The following EML4 variants were observed in gnomAD, a reference collection of about 807,000 sequenced individuals.
The protein encoded by EML4 is echinoderm microtubule-associated protein-like 4.
Under a neutral mutation model 129.0 loss-of-function variants are expected in EML4, and 72 were observed. The observed-to-expected ratio is 0.56, with a 90% CI of 0.46 to 0.68. The LOEUF (loss-of-function observed/expected upper bound fraction) is 0.68. Among genes scored for constraint, EML4 ranks in the 30% least tolerant of loss-of-function variants. EML4 has a pLI of 0.00. For synonymous variants in EML4, 532 were observed against 405.0 expected (o/e 1.31, Z -3.77); for missense variants, 1,363 against 1,190.6 (o/e 1.14, Z -2.13).
At chr2:42,275,759 G>A (rs1348874140) in intron 6 of EML4, among the ~76,000 whole-genome samples, 1 of 152,138 alleles carries the variant, frequency 6.6e-6, no homozygotes, top group Non-Finnish European at 1.5e-5. Context: ...CCATACCAAG[G>A]TTGGAGATAA....
intron 13 of EML4, 23 bp from the exon 14 acceptor site, chr2:42,301,218 T>C: frequency 1.3e-6 from 2 of 1,593,304 alleles, no homozygotes; most frequent in Non-Finnish European, 1.7e-6. Context: ...ATCACTAGTG[T>C]TTTTATTTTT....
chr2:42,209,733 C>G (rs1480889076), intron 1 of EML4, among the ~76,000 whole-genome samples: 1 of 152,112 alleles, frequency 6.6e-6, no homozygotes, highest in Non-Finnish European at 1.5e-5. Context: ...AGTTCAAGAC[C>G]AGCCTGACCA....
At chr2:42,183,196 A>G (rs1671048853) in intron 1 of EML4, among the ~76,000 whole-genome samples, 1 of 152,212 alleles carries the variant, frequency 6.6e-6, no homozygotes, top group South Asian at 2.1e-4. Context: ...TTTAACAAAT[A>G]TTTATTAAGT....
intron 11 of EML4, among the ~76,000 whole-genome samples, chr2:42,294,837 A>G (rs887507383): frequency 1.3e-5 from 2 of 152,190 alleles, no homozygotes; most frequent in Non-Finnish European, 2.9e-5. Context: ...CGACAGTTTT[A>G]AGTGTACTTT....
At chr2:42,231,973 A>G (rs1226042289) in intron 1 of EML4, among the ~76,000 whole-genome samples, 1 of 152,048 alleles carries the variant, frequency 6.6e-6, no homozygotes, top group Non-Finnish European at 1.5e-5. Flanking sequence ...ATTTATTTCT[A>G]ATTTCTGGTA....
At chr2:42,249,730 T>C (rs2104323332) in intron 2 of EML4, among the ~76,000 whole-genome samples, 1 of 152,312 alleles carries the variant, frequency 6.6e-6, no homozygotes, top group Non-Finnish European at 1.5e-5. Context: ...GCCAGCAGTA[T>C]TTAAAGCTAA....
chr2:42,236,340 T>G (rs1019781382), intron 1 of EML4, among the ~76,000 whole-genome samples: 3 of 152,236 alleles, frequency 2.0e-5, no homozygotes, highest in Admixed American at 1.3e-4. Flanking sequence ...ATATTTAGGT[T>G]GTTTCCAATT....
At chr2:42,247,219 T>G (rs933023480) in intron 2 of EML4, among the ~76,000 whole-genome samples, 1 of 152,110 alleles carries the variant, frequency 6.6e-6, no homozygotes, top group Non-Finnish European at 1.5e-5. Flanking sequence ...GAAGGGATCT[T>G]TGAGAACCAC....
At chr2:42,316,647 T>C (rs1669258458) in intron 18 of EML4, among the ~76,000 whole-genome samples, 1 of 152,246 alleles carries the variant, frequency 6.6e-6, no homozygotes, top group Admixed American at 6.5e-5. Context: ...TTGTTATTAA[T>C]GTAGCTTTGA....
At chr2:42,255,088 T>TTCTTTTCTTTTC (rs534974323) in intron 2 of EML4, among the ~76,000 whole-genome samples, 122 of 151,874 alleles carry the variant, frequency 8.0e-4, no homozygotes, top group Middle Eastern at 3.4e-3. Context: ...TGTTTTTTTT[T>TTCTTTTCTTTTC]TCTTTTCTTT....
chr2:42,253,064 T>G (rs17671847), intron 2 of EML4, among the ~76,000 whole-genome samples: 18,091 of 152,150 alleles, frequency 0.12, 1,153 homozygotes, highest in Middle Eastern at 0.23. Flanking sequence ...CGTTACAGTT[T>G]AGGCAAGCAG....
At chr2:42,311,355 C>T (rs1668936034) in intron 17 of EML4, among the ~76,000 whole-genome samples, 1 of 152,042 alleles carries the variant, frequency 6.6e-6, no homozygotes, top group Non-Finnish European at 1.5e-5. Context: ...TTGCTTTAGC[C>T]TCGGAGTTCG....
At chr2:42,278,011 A>T (rs1174450181) in intron 6 of EML4, among the ~76,000 whole-genome samples, 2 of 152,238 alleles carry the variant, frequency 1.3e-5, no homozygotes. Context: ...TCATTATTAG[A>T]GATCCTAAGG....
chr2:42,187,386 T>G (rs2103878123), intron 1 of EML4, among the ~76,000 whole-genome samples: 1 of 152,236 alleles, frequency 6.6e-6, no homozygotes, highest in East Asian at 1.9e-4. Flanking sequence ...ACTGGGATCT[T>G]ATAATCTGTG....
chr2:42,169,756 A>T (rs1670148117), intron 1 of EML4, 120 bp downstream of exon 1: 1 of 1,162,436 alleles, frequency 8.6e-7, no homozygotes, highest in South Asian at 1.5e-5. Flanking sequence ...TCCACTGCAC[A>T]TGTTCCCTTC....
chr2:42,184,102 T>C (rs540748839), intron 1 of EML4, among the ~76,000 whole-genome samples: 93 of 152,328 alleles, frequency 6.1e-4, no homozygotes, highest in African/African-American at 2.2e-3. Context: ...TGAATGAGTC[T>C]GTGTCACAGC....
intron 11 of EML4, among the ~76,000 whole-genome samples, chr2:42,290,310 A>G (rs1667563530): frequency 6.6e-6 from 1 of 152,062 alleles, no homozygotes; most frequent in African/African-American, 2.4e-5. Flanking sequence ...AGTCACAAGG[A>G]TTTGGGGAGT....
rs551127862 is a variant in EML4 at position 42,215,753 on chromosome 2, T to C, written c.26-29752T>C. ...AACCTTAAAGGACGGTTAGAAAATA[T>C]AAAGAATCTTTATTGCTATACCTTC... On this transcript the variant is annotated intron_variant, in intron 1 of 22. Transcript: ENST00000318522. Among the ~76,000 whole-genome samples the C allele has an allele frequency of 7.2e-5, 11 of 152,300 alleles. No individual in the cohort carries two copies. In the East Asian group the frequency reaches 1.9e-3, roughly 27 times the overall value.
intron 16 of EML4, among the ~76,000 whole-genome samples, chr2:42,303,679 A>G (rs1668429124): frequency 6.6e-6 from 1 of 152,218 alleles, no homozygotes; most frequent in Admixed American, 6.5e-5. Flanking sequence ...TAATCCCAGC[A>G]CTTTGGGAGG....
Sources: allele counts gnomAD v4.1 joint callset (sites outside exome capture counted in the v4.1 genomes callset), GRCh38; gene constraint gnomAD v4.1.1; transcripts MANE v1.5; gene names NCBI Gene and HGNC (gene_info 2026-07-23, HGNC 2026-07-21).